INPP4B: variants seen among roughly 807,000 people sequenced by gnomAD.
INPP4B encodes inositol polyphosphate-4-phosphatase type II B.
A neutral mutation model predicts 122.5 loss-of-function variants in INPP4B; 55 were observed. The ratio of observed to expected loss-of-function variants is 0.45; its 90% confidence interval spans 0.36 to 0.56. INPP4B has a LOEUF of 0.56. Among genes scored for constraint, INPP4B ranks in the 20% least tolerant of loss-of-function variants. INPP4B has a pLI of 0.00. For missense variants in INPP4B, 1,000 were observed against 1,097.7 expected, an observed-to-expected ratio of 0.91 and a Z score of 1.26; for synonymous variants, 403 against 388.7, an observed-to-expected ratio of 1.04 and a Z score of -0.43.
chr4:142,534,631 T>C (rs979286944), intron 2 of INPP4B, among the ~76,000 whole-genome samples: 4 of 151,370 alleles, frequency 2.6e-5, no homozygotes, highest in African/African-American at 9.7e-5. Flanking sequence ...TATTTATAAG[T>C]ATAATTACTT....
intron 17 of INPP4B, among the ~76,000 whole-genome samples, chr4:142,146,673 G>A (rs1319563351): frequency 6.6e-6 from 1 of 152,158 alleles, no homozygotes; most frequent in Non-Finnish European, 1.5e-5. Flanking sequence ...CAGAAAATTA[G>A]TATGCAGATC....
At position 142,362,191 on chromosome 4, in the gene INPP4B, G is replaced by T. The variant is rs549619931; in HGVS notation, c.372+40747C>A. On this transcript the variant is annotated intron_variant, in intron 7 of 25. Coordinates refer to ENST00000262992, the MANE Select transcript of INPP4B (RefSeq NM_001101669.3). ...CGTGGGTGGGAGCCAACTCAGCTCA[G>T]CTGGAGAAACTCAGAAGGCATCCCC... Among the ~76,000 whole-genome samples the T allele has an allele frequency of 1.0e-3, 154 of 152,144 alleles. 1 individual carries two copies. The highest frequency in any genetic ancestry group is 3.5e-3 in the African/African-American group (144 of 41,542).
intron 2 of INPP4B, among the ~76,000 whole-genome samples, chr4:142,689,644 A>G (rs1759872284): frequency 6.6e-6 from 1 of 152,190 alleles, no homozygotes; most frequent in African/African-American, 2.4e-5. Context: ...ACCTAGCAAC[A>G]TTAATTCTGC....
chr4:142,719,254 T>A (rs1005697523), intron 2 of INPP4B, among the ~76,000 whole-genome samples: 2 of 152,176 alleles, frequency 1.3e-5, no homozygotes, highest in Non-Finnish European at 2.9e-5. Flanking sequence ...CCTAACCTTA[T>A]AAAAAATTAA....
At position 142,492,997 on chromosome 4, in the gene INPP4B, T is replaced by G. The variant is rs142583429; in HGVS notation, c.-190-30271A>C. On this transcript the variant is annotated intron_variant, in intron 2 of 25. Transcript: ENST00000262992. ...CCCTGCTCTATGCAGCCTTGGCACATGGTGCCCTATATCCCAGCTGCTTCA... is the reference window on the plus strand; with the variant it reads ...CCCTGCTCTATGCAGCCTTGGCACAGGGTGCCCTATATCCCAGCTGCTTCA... Among the ~76,000 whole-genome samples, 371 of 152,300 alleles carry G rather than the reference T, an allele frequency of 2.4e-3. 2 individuals are homozygous for G. Among genetic ancestry groups the G allele is most frequent in the African/African-American group, 7.5e-3 (312 of 41,582 alleles).
chr4:142,306,356 C>T (rs975919449), intron 8 of INPP4B, among the ~76,000 whole-genome samples: 2 of 151,750 alleles, frequency 1.3e-5, no homozygotes, highest in African/African-American at 2.4e-5. Flanking sequence ...TCTCATTCTT[C>T]CCTTAAGGTC....
chr4:142,512,444 C>A (rs1031536241), intron 2 of INPP4B, among the ~76,000 whole-genome samples: 3 of 152,114 alleles, frequency 2.0e-5, no homozygotes, highest in African/African-American at 4.8e-5. Context: ...CACCATTTGT[C>A]CAAATAATAT....
intron 2 of INPP4B, among the ~76,000 whole-genome samples, chr4:142,545,759 G>GTATATATGTGTATATATATACACATA (rs1560782260): frequency 1.4e-5 from 1 of 70,844 alleles, no homozygotes; most frequent in African/African-American, 4.6e-5. Context: ...ATATACACAT[G>GTATATATGTGTATATATATACACATA]TATATGTGTG....
At chr4:142,266,575 C>A (rs1042360456) in intron 10 of INPP4B, among the ~76,000 whole-genome samples, 4 of 152,128 alleles carry the variant, frequency 2.6e-5, no homozygotes, top group African/African-American at 9.7e-5. Context: ...ATAAGAGACA[C>A]TAAACCAGAA....
intron 23 of INPP4B, among the ~76,000 whole-genome samples, chr4:142,091,425 C>T (rs961865076): frequency 6.6e-6 from 1 of 152,138 alleles, no homozygotes; most frequent in Non-Finnish European, 1.5e-5. Flanking sequence ...GAATAAAACT[C>T]TTGGCAGAAA....
intron 2 of INPP4B, among the ~76,000 whole-genome samples, chr4:142,519,202 T>G (rs542755183): frequency 1.3e-5 from 2 of 152,212 alleles, no homozygotes; most frequent in Non-Finnish European, 2.9e-5. Context: ...ATCACACACT[T>G]TTAAGGAATT....
intron 16 of INPP4B, among the ~76,000 whole-genome samples, chr4:142,161,198 T>C (rs1819920814): frequency 6.6e-6 from 1 of 152,006 alleles, no homozygotes. Flanking sequence ...TTAATGTTAA[T>C]GAGGTTACTG....
At chr4:142,766,227 C>T (rs565526469) in intron 1 of INPP4B, among the ~76,000 whole-genome samples, 13 of 151,920 alleles carry the variant, frequency 8.6e-5, no homozygotes, top group Admixed American at 5.3e-4. Flanking sequence ...ACTGTCATGG[C>T]GAAATAAAAT....
chr4:142,030,205 A>C, intron 25 of INPP4B: 1 of 1,535,702 alleles, frequency 6.5e-7, no homozygotes, highest in Non-Finnish European at 8.7e-7. Context: ...ACAAGCAGCA[A>C]GGCGACAGGA....
At chr4:142,613,315 A>G (rs1395453665) in intron 2 of INPP4B, among the ~76,000 whole-genome samples, 1 of 152,236 alleles carries the variant, frequency 6.6e-6, no homozygotes, top group African/African-American at 2.4e-5. Flanking sequence ...ATTTGTGAGT[A>G]GTACATTTTA....
intron 2 of INPP4B, chr4:142,566,163 C>T (rs1188702701): frequency 6.6e-6 from 1 of 152,100 alleles, no homozygotes; most frequent in Non-Finnish European, 1.5e-5. Flanking sequence ...AAAACTGTGC[C>T]TCGAGGAGAT....
At chr4:142,117,567 G>T (rs547707231) in intron 21 of INPP4B, among the ~76,000 whole-genome samples, 2 of 152,016 alleles carry the variant, frequency 1.3e-5, no homozygotes, top group African/African-American at 4.8e-5. Flanking sequence ...AAAATCACAC[G>T]ACTATCTCAA....
chr4:142,303,624 T>C (rs543051490), intron 9 of INPP4B, among the ~76,000 whole-genome samples: 3 of 152,200 alleles, frequency 2.0e-5, no homozygotes, highest in South Asian at 2.1e-4. Context: ...GTCTGGTTCA[T>C]AGGGAGAGAA....
chr4:142,822,542 T>C (rs1780914854), intron 1 of INPP4B, among the ~76,000 whole-genome samples: 1 of 152,104 alleles, frequency 6.6e-6, no homozygotes, highest in Non-Finnish European at 1.5e-5. Flanking sequence ...ATGCAGGGGA[T>C]CTGGGATGCA....
Sources: gnomAD v4.1 joint callset for allele counts (sites outside exome capture counted in the v4.1 genomes callset) on GRCh38, gnomAD v4.1.1 for gene constraint, MANE v1.5 for transcripts, NCBI Gene and HGNC (gene_info 2026-07-23, HGNC 2026-07-21) for gene names.